The following SIRT2 variants were observed in gnomAD, a reference collection of about 807,000 sequenced individuals.
SIRT2 encodes the protein sirtuin 2.
A neutral mutation model predicts 57.4 loss-of-function variants in SIRT2; 40 were observed. That is an observed-to-expected ratio of 0.70 (90% CI 0.54 to 0.91). The LOEUF (loss-of-function observed/expected upper bound fraction) is 0.91, where lower values mean the gene tolerates loss of function less well. SIRT2 is among the 40% of genes least tolerant of loss of function. The probability of loss-of-function intolerance (pLI) is 0.00; values close to 1 mark genes in which losing one functional copy is unlikely to be tolerated. For missense variants in SIRT2, 439 were observed against 510.4 expected, an observed-to-expected ratio of 0.86 and a Z score of 1.35; for synonymous variants, 161 against 195.7, an observed-to-expected ratio of 0.82 and a Z score of 1.48.
chr19:38,891,964 C>T (rs1271025897), intron 4 of SIRT2: 1 of 468,382 alleles, frequency 2.1e-6, no homozygotes, highest in East Asian at 7.0e-5. Context: ...GAGACAGTGG[C>T]AGCTGGAGGA....
intron 8 of SIRT2, among the ~76,000 whole-genome samples, chr19:38,886,889 C>T (rs865963410): frequency 3.3e-5 from 5 of 152,058 alleles, no homozygotes; most frequent in South Asian, 2.1e-4. Context: ...GGATTACAGA[C>T]GTGAGCCACC....
intron 2 of SIRT2, among the ~76,000 whole-genome samples, chr19:38,897,629 C>T (rs1973761513): frequency 6.6e-6 from 1 of 152,014 alleles, no homozygotes; most frequent in Non-Finnish European, 1.5e-5. Flanking sequence ...CTTAAGCAAT[C>T]CTCCCCCAAC....
Position 38,880,279 on chromosome 19 carries a change from C to T in SIRT2, c.876+406G>A. On this transcript the variant is annotated intron_variant, in intron 13 of 15. Coordinates refer to ENST00000249396, the MANE Select transcript of SIRT2 (RefSeq NM_012237.4). The surrounding 1 kb of genome is among the most constrained non-coding windows in gnomAD (Gnocchi z 4.1). ...TCTGCCCACAGCGTGCGCTGCTTGC[C>T]CGGTGACCCTGCCTACTTCCCCTGA... is the stretch of plus-strand genomic sequence containing the variant. 1 of 210,590 alleles carries T rather than the reference C, an allele frequency of 4.7e-6. No individual in the cohort carries two copies. The allele number at this position is 210,590 out of a possible 1,614,324, so 13.0% of individuals were successfully genotyped here.
At chr19:38,883,952 C>T (rs1314490435) in intron 8 of SIRT2, among the ~76,000 whole-genome samples, 196 bp from the exon 9 acceptor site, 1 of 152,090 alleles carries the variant, frequency 6.6e-6, no homozygotes, top group Non-Finnish European at 1.5e-5. Context: ...TAAAGGGTGA[C>T]AGTCAAGGCT....
rs760353657 is a variant in SIRT2, at chr19:38,879,475, C to T, written c.973G>A (p.Asp325Asn). The part of the protein sequence containing the change: ...YRDVAWLGEC[D>N]QGCLALAELL... ...TCAGCAAGGGCCAGGCAGCCCTGGT[C>T]GCATTCACCCAGCCAGGCCACGTCC... Residue 325 changes from aspartate to asparagine, a missense_variant, in exon 15 of 16, where the codon GAC becomes AAC. By Grantham distance (23) the Asp-to-Asn change is conservative. Coordinates refer to ENST00000249396, the MANE Select transcript of SIRT2 (RefSeq NM_012237.4). The T allele has an allele frequency of 1.6e-5, 26 of 1,604,658 alleles. No homozygotes were observed. The highest frequency in any genetic ancestry group is 2.2e-5 in the East Asian group (1 of 44,504).
intron 2 of SIRT2, among the ~76,000 whole-genome samples, chr19:38,896,731 G>A (rs953869292): frequency 6.6e-6 from 1 of 152,316 alleles, no homozygotes; most frequent in South Asian, 2.1e-4. Flanking sequence ...GGAGCCAGGC[G>A]AGTGAGTTGC....
chr19:38,882,373 G>A (rs1194102345), intron 9 of SIRT2, among the ~76,000 whole-genome samples: 1 of 152,050 alleles, frequency 6.6e-6, no homozygotes, highest in African/African-American at 2.4e-5. Flanking sequence ...GGTGGCTCAC[G>A]CCTGTAATCC....
At chr19:38,889,536 C>T (rs1407397134) in intron 7 of SIRT2, 153 bp downstream of exon 7, 5 of 812,158 alleles carry the variant, frequency 6.2e-6, no homozygotes, top group Non-Finnish European at 1.0e-5. Context: ...GATGAAGACA[C>T]GAGGAACCAG....
chr19:38,885,702 T>C (rs1973312667), intron 8 of SIRT2, among the ~76,000 whole-genome samples: 1 of 151,548 alleles, frequency 6.6e-6, no homozygotes, highest in Middle Eastern at 3.2e-3. Context: ...GTGATTCTCC[T>C]GCCTCAGCCT....
At chr19:38,886,928 T>C (rs1030194565) in intron 8 of SIRT2, among the ~76,000 whole-genome samples, 1 of 151,778 alleles carries the variant, frequency 6.6e-6, no homozygotes, top group East Asian at 1.9e-4. Flanking sequence ...ATAGTTTGTA[T>C]GTGATGTGTC....
rs757149967 is a variant in SIRT2, at chr19:38,889,999, A to G, written c.269-38T>C. The G allele has an allele frequency of 7.0e-5, 112 of 1,610,748 alleles. No homozygotes were observed. In the Admixed American group the frequency reaches 1.8e-3, roughly 26 times the overall value. Reference sequence around the variant, plus strand: ...GGTCAGGGAGCAGTTGGTCTATACCATACTAACCCTCCCAGGACAGGGCTC... The same window carrying G: ...GGTCAGGGAGCAGTTGGTCTATACCGTACTAACCCTCCCAGGACAGGGCTC... On this transcript the variant is annotated intron_variant, in intron 5 of 15. Transcript: ENST00000249396.
chr19:38,883,075 GTTTTTTTT>G (rs61706756), intron 9 of SIRT2, among the ~76,000 whole-genome samples: 3 of 110,406 alleles, frequency 2.7e-5, no homozygotes, highest in African/African-American at 1.1e-4. Flanking sequence ...GTGACTTCTT[GTTTTTTTT>G]TTTTTTTTTT....
At chr19:38,881,196 G>C in intron 10 of SIRT2, 41 bp from the exon 11 acceptor site, 2 of 1,593,828 alleles carry the variant, frequency 1.3e-6, no homozygotes, top group Non-Finnish European at 8.6e-7. Context: ...CAGTGACATG[G>C]GGAGGCAGAG....
Position 38,893,757 on chromosome 19 carries a change from C to T in SIRT2, c.112+62G>A, listed in dbSNP as rs541117784. ...AGTTGAGGAGGTATCACCCACACCC[C>T]TGCCCTGAAATCCCCCCGCCCCCCA... On this transcript the variant is annotated intron_variant, in intron 3 of 15. Transcript: ENST00000249396. 613 of 1,592,174 alleles carry T rather than the reference C, an allele frequency of 3.9e-4. 9 individuals carry two copies. In the South Asian group the frequency reaches 4.0e-3, roughly 10 times the overall value.
In SIRT2 at chr19:38,880,648, A is replaced by G. The variant is rs781061811; in HGVS notation, c.876+37T>C. 6 of 1,473,034 alleles carry G rather than the reference A, an allele frequency of 4.1e-6. No individual in the cohort carries two copies. The South Asian group carries it at 6.6e-5, about 16-fold the overall frequency. The allele number at this position is 1,473,034 out of a possible 1,614,324, so 91.2% of individuals were successfully genotyped here. On this transcript the variant is annotated intron_variant, in intron 13 of 15. Transcript: ENST00000249396. The surrounding 1 kb of genome is among the most constrained non-coding windows in gnomAD (Gnocchi z 4.1). ...AGGAAAAGGGTGAGAGGGAAGGGGG[A>G]GCCTGTGACGACGGGGGCTTGAAGA...
Position 38,878,566 on chromosome 19 carries a change from GTTGTTT to G in SIRT2, c.*583_*588del, listed in dbSNP as rs962078774. 3.9e-5 allele frequency: 6 copies of G among 152,296 alleles called. No individual in the cohort carries two copies. The highest frequency in any genetic ancestry group is 2.0e-4 in the Admixed American group (3 of 15,290). The allele number at this position is 152,296 out of a possible 1,614,324, so 9.4% of individuals were successfully genotyped here. A position where few individuals can be genotyped will look rare whatever the true frequency, so the allele number is the denominator to read the frequency against. On this transcript the variant is annotated 3_prime_UTR_variant, in exon 16 of 16. Coordinates refer to ENST00000249396, the MANE Select transcript of SIRT2 (RefSeq NM_012237.4). ...AACAGGAGGCCAGACCGGATTGTTA[GTTGTTT>G]TTGTTTTTAATTTGTCTCCAATAAG... is the stretch of plus-strand genomic sequence containing the variant.
At chr19:38,898,507 G>A (rs1170726268) in intron 1 of SIRT2, 82 bp from the exon 2 acceptor site, 6 of 649,388 alleles carry the variant, frequency 9.2e-6, no homozygotes, top group African/African-American at 7.3e-5. Context: ...CAGTGAGGGG[G>A]CAAGAACACC....
chr19:38,886,785 C>A (rs905823097), intron 8 of SIRT2, among the ~76,000 whole-genome samples: 1 of 151,952 alleles, frequency 6.6e-6, no homozygotes, highest in African/African-American at 2.4e-5. Context: ...CCACACCCAG[C>A]TAATTTTTGT....
chr19:38,880,542 C>G lies in SIRT2; in HGVS notation c.876+143G>C. 1.6e-6 allele frequency: 1 copy of G among 627,872 alleles called. No homozygotes were observed. The highest frequency in any genetic ancestry group is 2.8e-6 in the Non-Finnish European group (1 of 355,976). 38.9% of individuals were successfully genotyped at this position (627,872 alleles called of 1,614,324 possible). ...GTGAATGTCCCAGAGGCCTGGAACC[C>G]GACCCCTCTGGATTCTAGAGCCCCA... On this transcript the variant is annotated intron_variant, in intron 13 of 15. Coordinates refer to ENST00000249396, the MANE Select transcript of SIRT2 (RefSeq NM_012237.4). The surrounding 1 kb of genome is among the most constrained non-coding windows in gnomAD (Gnocchi z 4.1).
Sources: allele counts gnomAD v4.1 joint callset (sites outside exome capture counted in the v4.1 genomes callset), GRCh38; gene constraint gnomAD v4.1.1; non-coding constraint Gnocchi (gnomAD v3.1); transcripts MANE v1.5; gene names NCBI Gene and HGNC (gene_info 2026-07-23, HGNC 2026-07-21).